Variants in LRP2 observed in about 807,000 individuals in gnomAD.
The protein encoded by LRP2 is low-density lipoprotein receptor-related protein 2.
In LRP2, 172 loss-of-function variants were observed where a neutral mutation model predicts 531.0. The ratio of observed to expected loss-of-function variants is 0.32; its 90% CI spans 0.29 to 0.37. LRP2 has a LOEUF of 0.37. LRP2 is among the 10% of genes least tolerant of loss of function. The pLI is 1.00. For missense variants in LRP2, 5,167 were observed against 5,868.3 expected (o/e 0.88, Z 3.90); for synonymous variants, 1,992 against 2,027.6 (o/e 0.98, Z 0.47).
In LRP2 at chr2:169,244,125, G is replaced by C. The variant is rs560795122; in HGVS notation, c.3430+568C>G. 2.6e-5 allele frequency among the ~76,000 whole-genome samples: 4 copies of C among 152,316 alleles called. No homozygotes were observed. The East Asian group carries it at 5.8e-4, about 22-fold the overall frequency. ...CATCTATTCCAAATGATAGTGACTT[G>C]CCTAGTCAGGCAACCAGGACTAGAA... On this transcript the variant is annotated intron_variant, in intron 22 of 78. Coordinates refer to ENST00000649046, the MANE Select transcript of LRP2 (RefSeq NM_004525.3).
At chr2:169,157,961 A>AAAAAAAG (rs1686401555) in intron 63 of LRP2, among the ~76,000 whole-genome samples, 1 of 101,202 alleles carries the variant, frequency 9.9e-6, no homozygotes, top group South Asian at 3.7e-4. Context: ...AATAAATAAA[A>AAAAAAAG]GACATGGATA....
chr2:169,351,247 G>C (rs1391207985), intron 1 of LRP2, among the ~76,000 whole-genome samples: 2 of 152,210 alleles, frequency 1.3e-5, no homozygotes, highest in African/African-American at 4.8e-5. Context: ...ATCTATCAAG[G>C]ATGAGGGCTA....
chr2:169,232,448 A>ATGGTAGGTATTC (rs77545643), intron 30 of LRP2, among the ~76,000 whole-genome samples: 50,453 of 151,552 alleles, frequency 0.33, 8,668 homozygotes, highest in South Asian at 0.6. Context: ...CACCAGAAAA[A>ATGGTAGGTATTC]TGGTAGGTAT....
In LRP2 at chr2:169,271,004, A is replaced by G; in HGVS notation, c.2220T>C (p.Pro740=). 1 of 1,613,406 alleles carries G rather than the reference A, an allele frequency of 6.2e-7. No individual in the cohort carries two copies. Among genetic ancestry groups the G allele is most frequent in the Non-Finnish European group, 8.5e-7 (1 of 1,179,604 alleles). ...EDVMVPVSGN[P]SFFVGIDFDA... ...CAAAATCAATCCCGACAAAGAAAGAAGGATTCCCCGAAACTGGAACCATGA... is the reference window on the plus strand; with the variant it reads ...CAAAATCAATCCCGACAAAGAAAGAGGGATTCCCCGAAACTGGAACCATGA... Residue 740 remains proline (P), a synonymous_variant, in exon 16 of 79, where the codon CCT becomes CCC. Transcript: ENST00000649046.
At chr2:169,260,921 T>A (rs1690520939) in intron 16 of LRP2, among the ~76,000 whole-genome samples, 1 of 151,248 alleles carries the variant, frequency 6.6e-6, no homozygotes, top group Admixed American at 6.6e-5. Flanking sequence ...TATGCTGTCA[T>A]GGAAGAAAGA....
intron 1 of LRP2, among the ~76,000 whole-genome samples, chr2:169,325,589 T>G (rs1393774027): frequency 6.6e-6 from 1 of 152,176 alleles, no homozygotes; most frequent in East Asian, 1.9e-4. Flanking sequence ...TTTCCAAAAC[T>G]TTACACTATA....
chr2:169,255,346 A>G (rs781289421), intron 19 of LRP2, among the ~76,000 whole-genome samples: 2 of 152,118 alleles, frequency 1.3e-5, no homozygotes, highest in Non-Finnish European at 2.9e-5. Context: ...CACCTGTTTC[A>G]TGGTACCAGG....
intron 21 of LRP2, among the ~76,000 whole-genome samples, chr2:169,245,830 T>A (rs570560380): frequency 6.6e-6 from 1 of 152,360 alleles, no homozygotes; most frequent in East Asian, 1.9e-4. Context: ...GGTTGCTAAA[T>A]GTTAGGTCTA....
At chr2:169,309,940 T>C (rs1684545400) in intron 3 of LRP2, among the ~76,000 whole-genome samples, 1 of 152,172 alleles carries the variant, frequency 6.6e-6, no homozygotes, top group Non-Finnish European at 1.5e-5. Context: ...GTCCTTCACA[T>C]CCCTTGTAAG....
chr2:169,149,614 A>T (rs13386120), intron 68 of LRP2, among the ~76,000 whole-genome samples: 3,759 of 152,244 alleles, frequency 0.025, 132 homozygotes, highest in African/African-American at 0.082. Context: ...AGGCAGATGG[A>T]TCACCTGAGG....
intron 31 of LRP2, among the ~76,000 whole-genome samples, chr2:169,228,591 C>G (rs1234924258): frequency 1.3e-5 from 2 of 152,158 alleles, no homozygotes; most frequent in African/African-American, 4.8e-5. Context: ...ATCCATTATG[C>G]ATGGGCCTTC....
At position 169,127,992 on chromosome 2, in the gene LRP2, T is replaced by C. The variant is rs1314390829; in HGVS notation, c.*671A>G. 1.3e-5 allele frequency: 2 copies of C among 152,662 alleles called. No individual in the cohort carries two copies. The highest frequency in any genetic ancestry group is 4.8e-5 in the African/African-American group (2 of 41,450). The allele number at this position is 152,662 out of a possible 1,614,324, so 9.5% of individuals were successfully genotyped here. ...CAAATAAAAATGTTGTCTTGGCAGC[T>C]AGTGAGAGAACACACATGAAACAGA... On this transcript the variant is annotated 3_prime_UTR_variant, in exon 79 of 79. Coordinates refer to ENST00000649046, the MANE Select transcript of LRP2 (RefSeq NM_004525.3).
intron 16 of LRP2, among the ~76,000 whole-genome samples, chr2:169,261,366 C>A (rs529645452): frequency 6.6e-6 from 1 of 152,042 alleles, no homozygotes; most frequent in African/African-American, 2.4e-5. Flanking sequence ...ACAGGTCTTA[C>A]CTAGGCTGGA....
intron 34 of LRP2, among the ~76,000 whole-genome samples, chr2:169,217,668 A>G (rs1189945862): frequency 2.0e-5 from 3 of 152,160 alleles, no homozygotes; most frequent in East Asian, 3.9e-4. Flanking sequence ...TGAATTCACT[A>G]AAAATCTAAG....
chr2:169,232,290 T>C (rs1363926758), intron 30 of LRP2, among the ~76,000 whole-genome samples: 1 of 152,208 alleles, frequency 6.6e-6, no homozygotes, highest in Non-Finnish European at 1.5e-5. Flanking sequence ...GATAATAATC[T>C]TTTATTTTTC....
intron 65 of LRP2, among the ~76,000 whole-genome samples, chr2:169,154,815 A>G (rs1022538076): frequency 6.6e-5 from 10 of 152,168 alleles, no homozygotes; most frequent in Non-Finnish European, 1.3e-4. Context: ...GAAAGCTAAT[A>G]TGTCTCTTAG....
At position 169,128,779 on chromosome 2, in the gene LRP2, A is replaced by T; in HGVS notation, c.13852T>A (p.Ser4618Thr). The stretch of plus-strand genomic sequence containing the variant: ...GGAGGCTTAGGCTTAGCAGGGAGCG[A>T]AGGTGATGGAGGTGGTGTCGCAGCA... ...SVAATPPPSPSLPAKPKPPSR... is the reference protein window; with the variant it reads ...SVAATPPPSPTLPAKPKPPSR... The change falls in exon 79 of 79, where the codon TCG becomes ACG. Residue 4618 changes from serine to threonine, a missense_variant. Physicochemically the swap from Ser to Thr is moderately conservative, Grantham distance 58. Around this residue, in one of 6 missense-constraint regions of LRP2, gnomAD observed 348 missense variants for 369.3 expected, o/e 0.94. Transcript: ENST00000649046. 2 of 1,614,134 alleles carry T rather than the reference A, an allele frequency of 1.2e-6. No homozygotes were observed. Among genetic ancestry groups the T allele is most frequent in the Non-Finnish European group, 1.7e-6 (2 of 1,179,998 alleles).
intron 38 of LRP2, among the ~76,000 whole-genome samples, 184 bp from the exon 39 acceptor site, chr2:169,207,434 G>A (rs1688437130): frequency 6.6e-6 from 1 of 152,184 alleles, no homozygotes. Flanking sequence ...AGGAATTATA[G>A]AGATTGTGTC....
chr2:169,284,521 C>T (rs750255143), intron 9 of LRP2, among the ~76,000 whole-genome samples: 21 of 152,110 alleles, frequency 1.4e-4, no homozygotes, highest in Non-Finnish European at 2.8e-4. Context: ...CTTGCCTTGG[C>T]CTCCCAAAGT....
Sources: allele counts gnomAD v4.1 joint callset (sites outside exome capture counted in the v4.1 genomes callset), GRCh38; gene constraint gnomAD v4.1.1; regional missense constraint gnomAD v4.1.1; transcripts MANE v1.5; gene names NCBI Gene and HGNC (gene_info 2026-07-23, HGNC 2026-07-21).